SLC2A5: variants seen among roughly 807,000 people sequenced by gnomAD.
SLC2A5 encodes the protein solute carrier family 2, facilitated glucose transporter member 5.
SLC2A5 carries 56 observed loss-of-function variants against 50.3 expected under a neutral mutation model. The observed-to-expected ratio is 1.11, with a 90% CI of 0.90 to 1.39. The LOEUF is 1.39. SLC2A5 is among the 40% of genes most tolerant of loss of function. The pLI is 0.00. For synonymous variants in SLC2A5, 269 were observed against 281.9 expected, an observed-to-expected ratio of 0.95 and a Z score of 0.46; for missense variants, 566 against 650.1, an observed-to-expected ratio of 0.87 and a Z score of 1.41.
chr1:9,050,893 A>G (rs1641556190), intron 3 of SLC2A5, among the ~76,000 whole-genome samples: 1 of 152,230 alleles, frequency 6.6e-6, no homozygotes, highest in African/African-American at 2.4e-5. Flanking sequence ...CAAAGAAGAT[A>G]TAACTATCAT....
chr1:9,042,600 T>G (rs1407694748), intron 4 of SLC2A5, among the ~76,000 whole-genome samples: 2 of 150,310 alleles, frequency 1.3e-5, no homozygotes, highest in Admixed American at 1.3e-4. Context: ...CCTCTGTGTG[T>G]GTGTGTGTGT....
chr1:9,065,232 C>T (rs1436771262), intron 1 of SLC2A5, among the ~76,000 whole-genome samples: 2 of 152,158 alleles, frequency 1.3e-5, no homozygotes, highest in Non-Finnish European at 2.9e-5. Context: ...CCCAGGGCTA[C>T]AGTCCTCAAC....
upstream of SLC2A5, among the ~76,000 whole-genome samples, chr1:9,089,781 C>T (rs915333903): frequency 3.9e-5 from 6 of 152,180 alleles, no homozygotes; most frequent in African/African-American, 1.2e-4. Context: ...GAACACCTTC[C>T]CCGTTTGGGT....
chr1:9,042,094 T>G (rs1053272157), intron 4 of SLC2A5, among the ~76,000 whole-genome samples, 157 bp from the exon 5 acceptor site: 4 of 152,208 alleles, frequency 2.6e-5, no homozygotes, highest in African/African-American at 9.7e-5. Flanking sequence ...TTCTTAGCCC[T>G]TTATACTTTA....
At chr1:9,084,572 C>A (rs767994344) in intron 2 of SLC2A5, among the ~76,000 whole-genome samples, 2 of 152,196 alleles carry the variant, frequency 1.3e-5, no homozygotes, top group Admixed American at 1.3e-4. Flanking sequence ...AAATCAGCCC[C>A]GGGCCCACCA....
In SLC2A5 at chr1:9,058,330, A is replaced by T. The variant is rs1454148096; in HGVS notation, c.34-80T>A. On this transcript the variant is annotated intron_variant, in intron 1 of 11. Transcript: ENST00000377424. ...CGCTTTACTTCGGTTTCGTAGAAAG[A>T]TGTAACAGAATCTGAAGATCCATAG... The T allele has an allele frequency of 5.3e-6, 5 of 937,200 alleles. No homozygotes were observed. The East Asian group carries it at 7.5e-5, about 14-fold the overall frequency. 58.1% of individuals were successfully genotyped at this position (937,200 alleles called of 1,614,324 possible). A position where few individuals can be genotyped will look rare whatever the true frequency, so the allele number is the denominator to read the frequency against.
intron 8 of SLC2A5, among the ~76,000 whole-genome samples, chr1:9,039,278 C>T (rs1042593027): frequency 1.3e-5 from 2 of 152,364 alleles, no homozygotes; most frequent in African/African-American, 4.8e-5. Flanking sequence ...AGCCTCACTC[C>T]GGGTAGCCCG....
At position 9,058,191 on chromosome 1, in the gene SLC2A5, C is replaced by G. The variant is rs780663393; in HGVS notation, c.93G>C (p.Gln31His). The change falls in exon 2 of 12, where the codon CAG becomes CAC. Residue 31 changes from glutamine to histidine, a missense_variant. Coordinates refer to ENST00000377424, the MANE Select transcript of SLC2A5 (RefSeq NM_003039.3). ...TGACAGCAGCCACGTTGTACCCATA[C>G]TGGAAGGATGACCCAAAGGCAGCTA... is the stretch of plus-strand genomic sequence containing the variant. ...TLIAAFGSSF[Q>H]YGYNVAAVNS... 89 of 1,614,030 alleles carry G rather than the reference C, an allele frequency of 5.5e-5. No individual in the cohort carries two copies. The highest frequency in any genetic ancestry group is 7.3e-5 in the Non-Finnish European group (86 of 1,179,998).
chr1:9,084,095 G>A (rs1253714833), intron 2 of SLC2A5, among the ~76,000 whole-genome samples: 1 of 151,804 alleles, frequency 6.6e-6, no homozygotes, highest in Non-Finnish European at 1.5e-5. Flanking sequence ...AGTGAGCCGA[G>A]ATAGCGCCAC....
At chr1:9,057,406 G>A (rs757187311) in intron 3 of SLC2A5, 42 bp downstream of exon 3, 4 of 1,492,046 alleles carry the variant, frequency 2.7e-6, no homozygotes, top group East Asian at 4.6e-5. Context: ...CTCTGATGGG[G>A]GTCTATGAGT....
intron 1 of SLC2A5, among the ~76,000 whole-genome samples, chr1:9,060,637 A>C: frequency 3.7e-5 from 4 of 107,254 alleles, no homozygotes; most frequent in South Asian, 3.5e-4. Context: ...ATACACACAT[A>C]CAGCCCACAC....
chr1:9,070,828 G>A (rs193065720), upstream of SLC2A5, among the ~76,000 whole-genome samples: 1,581 of 151,916 alleles, frequency 0.01, 18 homozygotes, highest in Non-Finnish European at 0.014. Flanking sequence ...GCCTAGCAGC[G>A]TGGCCGTCTG....
At chr1:9,080,376 T>A (rs977099835) in intron 2 of SLC2A5, among the ~76,000 whole-genome samples, 2 of 152,254 alleles carry the variant, frequency 1.3e-5, no homozygotes, top group African/African-American at 2.4e-5. Context: ...TAATTTTTTT[T>A]AGGAATTACC....
intron 3 of SLC2A5, among the ~76,000 whole-genome samples, chr1:9,050,546 G>T (rs1220625634): frequency 6.6e-6 from 1 of 151,998 alleles, no homozygotes; most frequent in Non-Finnish European, 1.5e-5. Flanking sequence ...ACAAACCTTA[G>T]AATTTTCCCA....
chr1:9,048,129 G>A (rs989233750), intron 3 of SLC2A5, among the ~76,000 whole-genome samples: 1 of 152,186 alleles, frequency 6.6e-6, no homozygotes, highest in Non-Finnish European at 1.5e-5. Context: ...TTATGTCAAC[G>A]TGGATGCCAC....
chr1:9,053,250 T>G (rs1168990371), intron 3 of SLC2A5, among the ~76,000 whole-genome samples: 23 of 13,394 alleles, frequency 1.7e-3, no homozygotes, highest in African/African-American at 5.4e-3. Flanking sequence ...TATATTATAT[T>G]TATATATTAT....
At chr1:9,056,101 C>T (rs1441183961) in intron 3 of SLC2A5, among the ~76,000 whole-genome samples, 3 of 152,192 alleles carry the variant, frequency 2.0e-5, no homozygotes, top group African/African-American at 7.2e-5. Context: ...GGATGTTCTG[C>T]TCCATGAGGG....
intron 4 of SLC2A5, among the ~76,000 whole-genome samples, chr1:9,042,231 C>T (rs899999016): frequency 3.3e-5 from 5 of 152,108 alleles, no homozygotes; most frequent in South Asian, 2.1e-4. Flanking sequence ...GACCCACTCA[C>T]GTTTCTGCTT....
chr1:9,044,226 G>A (rs1455623457), intron 4 of SLC2A5, among the ~76,000 whole-genome samples: 4 of 151,858 alleles, frequency 2.6e-5, no homozygotes, highest in Non-Finnish European at 5.9e-5. Context: ...AGCTACTCAG[G>A]AGGCTGAGGC....
Sources: gnomAD v4.1 joint callset for allele counts (sites outside exome capture counted in the v4.1 genomes callset) on GRCh38, gnomAD v4.1.1 for gene constraint, MANE v1.5 for transcripts, NCBI Gene and HGNC (gene_info 2026-07-23, HGNC 2026-07-21) for gene names.